MCF2: variants seen among roughly 807,000 people sequenced by gnomAD.
The protein encoded by MCF2 is MCF.2 cell line derived transforming sequence, also known as proto-oncogene DBL.
A neutral mutation model predicts 82.5 loss-of-function variants in MCF2; 44 were observed. The observed-to-expected ratio is 0.53, with a 90% CI of 0.42 to 0.69. The LOEUF is 0.69. Ranked by LOEUF, MCF2 falls within the 30% of genes least tolerant of loss-of-function variation. The pLI is 0.00. For synonymous variants in MCF2, 217 were observed against 224.9 expected, an observed-to-expected ratio of 0.96 and a Z score of 0.32; for missense variants, 623 against 663.1, an observed-to-expected ratio of 0.94 and a Z score of 0.66.
At chrX:139,660,489 T>C (rs1409123593) in intron 1 of MCF2, among the ~76,000 whole-genome samples, 8 of 112,385 alleles carry the variant, frequency 7.1e-5, no homozygotes, top group African/African-American at 2.6e-4. Context: ...GCAAGGCAGA[T>C]GGGATTCTAT....
intron 1 of MCF2, among the ~76,000 whole-genome samples, chrX:139,655,208 G>A (rs746586192): frequency 1.8e-5 from 2 of 111,848 alleles, no homozygotes; most frequent in Non-Finnish European, 1.9e-5. Context: ...AGATTGCATC[G>A]AATCTGTAAA....
Position 139,642,578 on chromosome X carries a change from C to T in MCF2, c.-60G>A, listed in dbSNP as rs1464286418. 4.1e-6 allele frequency: 5 copies of T among 1,206,858 alleles called. No individual in the cohort carries two copies. The African/African-American group carries it at 5.3e-5, about 13-fold the overall frequency. Reference sequence around the variant, plus strand: ...TTGTCAACGCAACGTTGATGAAATACGAGCTGCTTCTTGGGTAGTATTTAA... The same window carrying T: ...TTGTCAACGCAACGTTGATGAAATATGAGCTGCTTCTTGGGTAGTATTTAA... On this transcript the variant is annotated 5_prime_UTR_variant, in exon 1 of 25. Coordinates refer to ENST00000370576, the Ensembl canonical transcript of MCF2.
upstream of MCF2, among the ~76,000 whole-genome samples, chrX:139,645,849 T>C (rs1020132487): frequency 8.9e-6 from 1 of 111,881 alleles, no homozygotes; most frequent in African/African-American, 3.2e-5. Context: ...ACTCACTATT[T>C]AAAATTTCTT....
intron 11 of MCF2, among the ~76,000 whole-genome samples, chrX:139,608,423 G>A (rs2148442560): frequency 9.0e-6 from 1 of 111,174 alleles, no homozygotes; most frequent in Admixed American, 9.6e-5. Context: ...CTAATAAATT[G>A]CCTTATTTTA....
intron 1 of MCF2, among the ~76,000 whole-genome samples, chrX:139,637,707 A>G (rs1430930341): frequency 9.0e-6 from 1 of 111,642 alleles, no homozygotes; most frequent in African/African-American, 3.3e-5. Flanking sequence ...TCATTTCACA[A>G]CTGGAGAAAC....
intron 1 of MCF2, among the ~76,000 whole-genome samples, chrX:139,707,501 GTTC>G (rs1366038975): frequency 7.2e-5 from 8 of 111,676 alleles, no homozygotes; most frequent in African/African-American, 2.0e-4. Flanking sequence ...GACCAAGGTA[GTTC>G]TTCTTGGTCT....
At chrX:139,605,156 C>CTT (rs35352084) in intron 13 of MCF2, among the ~76,000 whole-genome samples, 172 bp from the exon 18 acceptor site, 5 of 90,668 alleles carry the variant, frequency 5.5e-5, no homozygotes, top group Admixed American at 5.0e-4. Context: ...TTATCCATGA[C>CTT]TTTTTTTTTT....
At chrX:139,668,410 T>C (rs1378599038) in intron 1 of MCF2, among the ~76,000 whole-genome samples, 1 of 111,642 alleles carries the variant, frequency 9.0e-6, no homozygotes, top group Non-Finnish European at 1.9e-5. Flanking sequence ...AGCAGTTCCA[T>C]CTCACGGTCT....
chrX:139,614,777 A>G, intron 10 of MCF2, 104 bp downstream of exon 13: 1 of 789,178 alleles, frequency 1.3e-6, no homozygotes, highest in Non-Finnish European at 1.8e-6. Context: ...CTAAAGTGAA[A>G]TTTTCATCTA....
Position 139,663,706 on chromosome X carries a change from C to T in MCF2, c.-44-11918G>A, listed in dbSNP as rs1036738636. On this transcript the variant is annotated intron_variant, in intron 1 of 27. Transcript: ENST00000414978. ...GCTCCCACTAATTTACAGTTTAAATCGAATGTTTCTTTGTTGATTTTCTGG... is the reference window on the plus strand; with the variant it reads ...GCTCCCACTAATTTACAGTTTAAATTGAATGTTTCTTTGTTGATTTTCTGG... Among the ~76,000 whole-genome samples the T allele has an allele frequency of 2.8e-5, 3 of 108,330 alleles. No individual in the cohort carries two copies. In the Admixed American group the frequency reaches 3.0e-4, roughly 11 times the overall value. The allele number at this position is 108,330 out of a possible 115,157, so 94.1% of individuals were successfully genotyped here.
chrX:139,594,335 G>T (rs890796390), intron 19 of MCF2, among the ~76,000 whole-genome samples: 1 of 111,341 alleles, frequency 9.0e-6, no homozygotes, highest in African/African-American at 3.3e-5. Context: ...ATACTACAAG[G>T]CTACACTAAC....
At chrX:139,611,376 A>G (rs1373234449) in intron 10 of MCF2, among the ~76,000 whole-genome samples, 4 of 112,326 alleles carry the variant, frequency 3.6e-5, no homozygotes, top group Non-Finnish European at 7.5e-5. Context: ...TGGGAATTAT[A>G]CAAAATTAAT....
chrX:139,639,258 T>C (rs1047518328), intron 1 of MCF2, among the ~76,000 whole-genome samples: 5 of 112,104 alleles, frequency 4.5e-5, no homozygotes, highest in Non-Finnish European at 9.4e-5. Flanking sequence ...GCAAAGGGAT[T>C]TGGGCAAAGG....
intron 1 of MCF2, among the ~76,000 whole-genome samples, chrX:139,696,250 G>A (rs929062874): frequency 9.1e-6 from 1 of 109,413 alleles, no homozygotes; most frequent in Non-Finnish European, 1.9e-5. Flanking sequence ...GAGTAAGAGG[G>A]AATACCCTCC....
At chrX:139,634,868 G>A (rs1040949025) in intron 1 of MCF2, among the ~76,000 whole-genome samples, 1 of 111,433 alleles carries the variant, frequency 9.0e-6, no homozygotes, top group African/African-American at 3.3e-5. Flanking sequence ...GACCGAGGAT[G>A]GAGGATCACT....
At chrX:139,689,168 C>T (rs1374348319) in intron 1 of MCF2, among the ~76,000 whole-genome samples, 1 of 112,233 alleles carries the variant, frequency 8.9e-6, no homozygotes, top group African/African-American at 3.2e-5. Flanking sequence ...TGCCTCTATC[C>T]ACTGAGAGCC....
chrX:139,705,025 T>C (rs1935564565), intron 1 of MCF2, among the ~76,000 whole-genome samples: 2 of 111,579 alleles, frequency 1.8e-5, no homozygotes, highest in Admixed American at 9.5e-5. Flanking sequence ...CAAAACAACT[T>C]GGGTGGCTGG....
At chrX:139,648,376 C>T (rs983332314) in intron 2 of MCF2, among the ~76,000 whole-genome samples, 4 of 109,152 alleles carry the variant, frequency 3.7e-5, no homozygotes, top group African/African-American at 1.0e-4. Context: ...CGTCTCTCCA[C>T]GCCCCCCCCA....
At chrX:139,640,925 T>C (rs1171061521) in intron 1 of MCF2, among the ~76,000 whole-genome samples, 1 of 110,697 alleles carries the variant, frequency 9.0e-6, no homozygotes, top group Non-Finnish European at 1.9e-5. Context: ...TGCCATCTCC[T>C]GTATAAGGCC....
Sources: gnomAD v4.1 joint callset for allele counts (sites outside exome capture counted in the v4.1 genomes callset) on GRCh38, gnomAD v4.1.1 for gene constraint, MANE v1.5 for transcripts, NCBI Gene and HGNC (gene_info 2026-07-23, HGNC 2026-07-21) for gene names.